The following PLEKHG1 variants were observed in gnomAD, a reference collection of about 807,000 sequenced individuals.
PLEKHG1 encodes pleckstrin homology and RhoGEF domain containing G1.
PLEKHG1 carries 44 observed loss-of-function variants against 100.8 expected under a neutral mutation model. That is an observed-to-expected ratio of 0.44 (90% CI 0.34 to 0.56). The LOEUF is 0.56. PLEKHG1 is among the 20% of genes least tolerant of loss of function. The probability of loss-of-function intolerance (pLI) is 0.01; values close to 1 mark genes in which losing one functional copy is unlikely to be tolerated. For synonymous variants in PLEKHG1, 640 were observed against 662.5 expected (o/e 0.97, Z 0.52); for missense variants, 1,545 against 1,720.9 (o/e 0.90, Z 1.81).
intron 3 of PLEKHG1, among the ~76,000 whole-genome samples, chr6:150,774,021 A>G (rs932393351): frequency 6.6e-6 from 1 of 152,190 alleles, no homozygotes; most frequent in African/African-American, 2.4e-5. Flanking sequence ...ATCCTCATCT[A>G]GCAATGCTTT....
chr6:150,805,154 C>T (rs1241854306), intron 7 of PLEKHG1, among the ~76,000 whole-genome samples: 4 of 151,970 alleles, frequency 2.6e-5, no homozygotes, highest in South Asian at 2.1e-4. Flanking sequence ...AGGCTGGTCT[C>T]GAACTCCCGA....
chr6:150,659,137 C>T (rs1055792374), intron 3 of PLEKHG1, among the ~76,000 whole-genome samples: 9 of 149,828 alleles, frequency 6.0e-5, no homozygotes, highest in African/African-American at 9.9e-5. Context: ...ACTGGGTTCT[C>T]TCTCTCTCTC....
At chr6:150,643,645 A>G (rs1450346768) in intron 2 of PLEKHG1, among the ~76,000 whole-genome samples, 2 of 152,206 alleles carry the variant, frequency 1.3e-5, no homozygotes, top group Non-Finnish European at 2.9e-5. Context: ...AAACTGCTTG[A>G]TGTATGTAGC....
At chr6:150,781,122 G>A (rs1785286247) in intron 3 of PLEKHG1, among the ~76,000 whole-genome samples, 1 of 151,216 alleles carries the variant, frequency 6.6e-6, no homozygotes, top group Non-Finnish European at 1.5e-5. Context: ...TGATCCACCT[G>A]CCTCGGCCTC....
chr6:150,823,000 A>G (rs1054374254), intron 13 of PLEKHG1, among the ~76,000 whole-genome samples: 1 of 152,164 alleles, frequency 6.6e-6, no homozygotes, highest in Non-Finnish European at 1.5e-5. Flanking sequence ...AAAAATAAAT[A>G]AAAGCAAAAC....
intron 2 of PLEKHG1, among the ~76,000 whole-genome samples, chr6:150,759,595 A>G (rs1784045996): frequency 6.6e-6 from 1 of 152,152 alleles, no homozygotes; most frequent in African/African-American, 2.4e-5. Context: ...AGCCTTTCTC[A>G]GCTTCCGGGA....
At position 150,836,335 on chromosome 6, in the gene PLEKHG1, G is replaced by A. The variant is rs1013097780; in HGVS notation, c.3095-3498G>A. ...GGAAGTTGCAGAGAGCCGAGATTGC[G>A]CCACTGCATTCCAGCCTGGGCAACA... On this transcript the variant is annotated intron_variant, in intron 15 of 15. Transcript: ENST00000358517. Among the ~76,000 whole-genome samples the A allele has an allele frequency of 1.7e-4, 26 of 152,050 alleles. 2 individuals carry two copies. In the East Asian group the frequency reaches 4.0e-3, roughly 24 times the overall value.
intron 3 of PLEKHG1, among the ~76,000 whole-genome samples, chr6:150,710,496 A>G (rs559373415): frequency 6.6e-6 from 1 of 152,290 alleles, no homozygotes; most frequent in African/African-American, 2.4e-5. Context: ...TTACCGCCCA[A>G]GCAGCTCTGC....
chr6:150,640,423 C>T (rs538970914), intron 2 of PLEKHG1, among the ~76,000 whole-genome samples: 37 of 152,334 alleles, frequency 2.4e-4, no homozygotes, highest in Non-Finnish European at 4.0e-4. Context: ...TTTGTCATAA[C>T]AGCAAACGTG....
Position 150,644,636 on chromosome 6 carries a change from G to GT in PLEKHG1, c.-157-6086dup, listed in dbSNP as rs199760257. 8.0e-4 allele frequency among the ~76,000 whole-genome samples: 122 copies of GT among 151,884 alleles called. 1 individual carries two copies. In the East Asian group the frequency reaches 0.017, roughly 21 times the overall value. On this transcript the variant is annotated intron_variant, in intron 2 of 3. Coordinates refer to the PLEKHG1 transcript ENST00000367326. ...TGAGCCACTGTGCCCAGCCGATAGT[G>GT]TTTTTTGTATTCTTCTTATTTTTAC...
At chr6:150,839,737 TA>T in intron 15 of PLEKHG1, 95 bp from the exon 17 acceptor site, 1 of 815,832 alleles carries the variant, frequency 1.2e-6, no homozygotes, top group Non-Finnish European at 2.0e-6. Context: ...GTCAAAATTT[TA>T]AAATACGTTG....
rs746165778 is a variant in PLEKHG1, at chr6:150,683,687, T to C, written c.-99+32901T>C. The C allele has an allele frequency of 8.2e-6, 6 of 736,160 alleles. No individual in the cohort carries two copies. Among genetic ancestry groups the C allele is most frequent in the Non-Finnish European group, 9.7e-6 (5 of 514,690 alleles). The allele number at this position is 736,160 out of a possible 1,614,324, so 45.6% of individuals were successfully genotyped here. Reference sequence around the variant, plus strand: ...AGGATGACAGAGTGTTCAATGATGCTGTTCAACTTGAACCCTGAGTTGACA... The same window carrying C: ...AGGATGACAGAGTGTTCAATGATGCCGTTCAACTTGAACCCTGAGTTGACA... On this transcript the variant is annotated intron_variant, in intron 3 of 3. Coordinates refer to the PLEKHG1 transcript ENST00000367326. The surrounding 1 kb of genome is among the most constrained non-coding windows in gnomAD (Gnocchi z 4.0).
At chr6:150,793,588 T>G (rs1318549855) in intron 4 of PLEKHG1, among the ~76,000 whole-genome samples, 1 of 152,186 alleles carries the variant, frequency 6.6e-6, no homozygotes, top group East Asian at 1.9e-4. Flanking sequence ...ATCTAGCCAA[T>G]AAGTACCAAT....
chr6:150,599,946 C>T (rs1776258693), exon 1 of PLEKHG1: 3 of 210,414 alleles, frequency 1.4e-5, no homozygotes, highest in South Asian at 1.0e-4. Flanking sequence ...CCCGAGCCGG[C>T]GCAGCGCAGC....
chr6:150,735,129 G>C (rs1035076677), intron 2 of PLEKHG1, among the ~76,000 whole-genome samples: 2 of 151,912 alleles, frequency 1.3e-5, no homozygotes, highest in African/African-American at 2.4e-5. Flanking sequence ...TGGAATTATA[G>C]GCATGCTCCA....
At chr6:150,777,275 G>A (rs1004001310) in intron 3 of PLEKHG1, among the ~76,000 whole-genome samples, 1 of 147,972 alleles carries the variant, frequency 6.8e-6, no homozygotes, top group Non-Finnish European at 1.5e-5. Flanking sequence ...CACATGTGCG[G>A]TTGCACATCA....
rs1419747167 is a variant in PLEKHG1 at position 150,831,825 on chromosome 6, G to A, written c.2714G>A (p.Ser905Asn). The change falls in exon 15 of 16, where the codon AGC becomes AAC. Residue 905 changes from serine (S) to asparagine (N), a missense_variant. Transcript: ENST00000358517. This position sits in a 1 kb window ranked among gnomAD's most constrained non-coding sequence, Gnocchi z 4.1. The stretch of plus-strand genomic sequence containing the variant: ...CAGGCTCTCCTCACGCCCGTGAAGA[G>A]CAGGGCTGGCAGAGCCAGCCGCGCC... 1.2e-6 allele frequency: 2 copies of A among 1,611,946 alleles called. No individual in the cohort carries two copies. The highest frequency in any genetic ancestry group is 3.3e-5 in the Admixed American group (2 of 59,872).
chr6:150,830,251 A>G (rs1361805537), intron 14 of PLEKHG1, among the ~76,000 whole-genome samples: 1 of 152,170 alleles, frequency 6.6e-6, no homozygotes, highest in Non-Finnish European at 1.5e-5. Flanking sequence ...ATGTCTGCAC[A>G]TTGCCCAGCC....
Position 150,776,699 on chromosome 6 carries a change from A to G in PLEKHG1, c.512+7961A>G, listed in dbSNP as rs377014036. Among the ~76,000 whole-genome samples the G allele has an allele frequency of 2.0e-5, 3 of 150,454 alleles. No homozygotes were observed. The East Asian group carries it at 5.9e-4, about 30-fold the overall frequency. Reference sequence around the variant, plus strand: ...TCACACTGATGCAATCCTGGCGTACATGTGCGGTTGCACATCAGCCACACT... The same window carrying G: ...TCACACTGATGCAATCCTGGCGTACGTGTGCGGTTGCACATCAGCCACACT... On this transcript the variant is annotated intron_variant, in intron 3 of 15. Transcript: ENST00000358517.
Sources: gnomAD v4.1 joint callset for allele counts (sites outside exome capture counted in the v4.1 genomes callset) on GRCh38, gnomAD v4.1.1 for gene constraint, Gnocchi (gnomAD v3.1) non-coding constraint, MANE v1.5 for transcripts, NCBI Gene and HGNC (gene_info 2026-07-23, HGNC 2026-07-21) for gene names.